Variants in EGFR observed in about 807,000 individuals in gnomAD.
EGFR encodes the protein avian erythroblastic leukemia viral (v-erb-b) oncogene homolog.
EGFR carries 58 observed loss-of-function variants against 143.0 expected under a neutral mutation model. The ratio of observed to expected loss-of-function variants is 0.41; its 90% confidence interval spans 0.33 to 0.50. The LOEUF is 0.50. Ranked by LOEUF, EGFR falls within the 20% of genes least tolerant of loss-of-function variation. The pLI, the probability that EGFR is intolerant of heterozygous loss-of-function variation, is 0.39. For synonymous variants in EGFR, 613 were observed against 594.4 expected, an observed-to-expected ratio of 1.03 and a Z score of -0.45; for missense variants, 1,307 against 1,579.0, an observed-to-expected ratio of 0.83 and a Z score of 2.92.
chr7:55,088,076 C>T (rs1452188765), intron 1 of EGFR, among the ~76,000 whole-genome samples: 2 of 148,694 alleles, frequency 1.3e-5, no homozygotes, highest in African/African-American at 5.0e-5. Flanking sequence ...CACACACACA[C>T]ACATTCTCAC....
chr7:55,143,254 T>C (rs1200703688), intron 2 of EGFR, 51 bp from the exon 3 acceptor site: 1 of 1,609,858 alleles, frequency 6.2e-7, no homozygotes, highest in East Asian at 2.2e-5. Context: ...AGACCTTGAG[T>C]TCTTGAGTTC....
chr7:55,089,608 C>T (rs1033561629), intron 1 of EGFR, among the ~76,000 whole-genome samples: 4 of 152,188 alleles, frequency 2.6e-5, no homozygotes, highest in African/African-American at 9.7e-5. Context: ...AAAACATAAT[C>T]ACAATGCTGT....
rs758106039 is a variant in EGFR, at chr7:55,201,183, A to G, written c.2947-5A>G. On this transcript the variant is annotated splice_polypyrimidine_tract_variant and splice_region_variant and intron_variant, in intron 24 of 27. Coordinates refer to ENST00000275493, the MANE Select transcript of EGFR (RefSeq NM_005228.5). ...ATTCTAATAGCCTCAAAATCTCTGC[A>G]CCAGGGGGATGAAAGAATGCATTTG... 6.2e-7 allele frequency: 1 copy of G among 1,614,070 alleles called. No homozygotes were observed. The highest frequency in any genetic ancestry group is 1.3e-5 in the African/African-American group (1 of 74,922).
At chr7:55,168,395 T>C in intron 15 of EGFR, 1 of 720,498 alleles carries the variant, frequency 1.4e-6, no homozygotes. Context: ...TGATTGGGTT[T>C]TGGCATTTTC....
chr7:55,201,664 C>T (rs2128972366), intron 25 of EGFR, 71 bp from the exon 26 acceptor site: 1 of 1,579,658 alleles, frequency 6.3e-7, no homozygotes, highest in Non-Finnish European at 8.7e-7. Context: ...AGGCACACCA[C>T]CTGCATTCAG....
chr7:55,065,404 A>G (rs1215053956), intron 1 of EGFR, among the ~76,000 whole-genome samples: 1 of 152,228 alleles, frequency 6.6e-6, no homozygotes, highest in African/African-American at 2.4e-5. Flanking sequence ...CTAATTTGTT[A>G]TTCCAGAAGA....
chr7:55,032,717 GA>G (rs1787325316), intron 1 of EGFR, among the ~76,000 whole-genome samples: 1 of 152,110 alleles, frequency 6.6e-6, no homozygotes, highest in Non-Finnish European at 1.5e-5. Flanking sequence ...ATGCATCCTG[GA>G]TGGCATAGAG....
At position 55,019,371 on chromosome 7, in the gene EGFR, G is replaced by A; in HGVS notation, c.88+6G>A. Reference sequence around the variant, plus strand: ...GGCTCTGGAGGAAAAGAAAGGTAAGGGCGTGTCTCGCCGGCTCCCGCGCCG... The same window carrying A: ...GGCTCTGGAGGAAAAGAAAGGTAAGAGCGTGTCTCGCCGGCTCCCGCGCCG... On this transcript the variant is annotated splice_donor_region_variant and intron_variant, in intron 1 of 27. Transcript: ENST00000275493. 6.9e-7 allele frequency: 1 copy of A among 1,454,746 alleles called. No individual in the cohort carries two copies. Among genetic ancestry groups the A allele is most frequent in the Non-Finnish European group, 9.2e-7 (1 of 1,092,234 alleles). 90.1% of individuals were successfully genotyped at this position (1,454,746 alleles called of 1,614,324 possible). A position where few individuals can be genotyped will look rare whatever the true frequency, so the allele number is the denominator to read the frequency against.
At chr7:55,142,496 G>T (rs759597010) in intron 2 of EGFR, 59 bp downstream of exon 2, 115 of 1,598,566 alleles carry the variant, frequency 7.2e-5, no homozygotes, top group South Asian at 2.3e-4. Flanking sequence ...GTGGAGAAAG[G>T]CCTGGGCAGA....
In EGFR at chr7:55,019,024, C is replaced by T; in HGVS notation, c.-254C>T. 4.6e-6 allele frequency: 1 copy of T among 216,148 alleles called. No homozygotes were observed. The highest frequency in any genetic ancestry group is 9.0e-6 in the Non-Finnish European group (1 of 111,460). The allele number at this position is 216,148 out of a possible 1,614,324, so 13.4% of individuals were successfully genotyped here. On this transcript the variant is annotated 5_prime_UTR_variant, in exon 1 of 28. Coordinates refer to ENST00000275493, the MANE Select transcript of EGFR (RefSeq NM_005228.5). ...CCTCGGCCCGCGCGAGCTAGACGTC[C>T]GGGCAGCCCCCGGCGCAGCGCGGCC...
chr7:55,145,857 G>A (rs1309167459), intron 3 of EGFR, among the ~76,000 whole-genome samples: 1 of 152,194 alleles, frequency 6.6e-6, no homozygotes, highest in Admixed American at 6.5e-5. Context: ...TCAGCTCCCA[G>A]ATCGAAGCCA....
intron 1 of EGFR, among the ~76,000 whole-genome samples, chr7:55,020,179 G>A (rs1213660809): frequency 1.3e-5 from 2 of 152,100 alleles, no homozygotes; most frequent in Non-Finnish European, 2.9e-5. Context: ...CGCCTCGCCC[G>A]GTGCGCCCTC....
At position 55,191,699 on chromosome 7, in the gene EGFR, C is replaced by T. The variant is rs2128964299; in HGVS notation, c.2470-20C>T. 1.9e-6 allele frequency: 3 copies of T among 1,613,500 alleles called. No homozygotes were observed. Among genetic ancestry groups the T allele is most frequent in the Non-Finnish European group, 2.5e-6 (3 of 1,179,946 alleles). ...TCCCATGATGATCTGTCCCTCACAG[C>T]AGGGTCTTCTCTGTTTCAGGGCATG... On this transcript the variant is annotated intron_variant, in intron 20 of 27. Transcript: ENST00000275493.
chr7:55,203,326 CACACACGTAT>C (rs1268475479), intron 27 of EGFR, among the ~76,000 whole-genome samples: 1 of 147,470 alleles, frequency 6.8e-6, no homozygotes, highest in Non-Finnish European at 1.5e-5. Flanking sequence ...ACACCACATA[CACACACGTAT>C]ACACACATAT....
chr7:55,200,758 C>T (rs917110980), intron 24 of EGFR: 29 of 488,652 alleles, frequency 5.9e-5, no homozygotes, highest in Non-Finnish European at 1.0e-4. Context: ...CCTGACTCTC[C>T]ACTTCTTCGC....
intron 1 of EGFR, among the ~76,000 whole-genome samples, chr7:55,067,236 G>A (rs1789558581): frequency 6.6e-6 from 1 of 152,154 alleles, no homozygotes; most frequent in Non-Finnish European, 1.5e-5. Context: ...CCCTCAAGGT[G>A]GTTGTGTCTG....
At chr7:55,157,118 G>A (rs1282218780) in intron 10 of EGFR, among the ~76,000 whole-genome samples, 1 of 152,348 alleles carries the variant, frequency 6.6e-6, no homozygotes, top group East Asian at 1.9e-4. Context: ...GGTAGAGGGA[G>A]GGGACAGGGG....
At chr7:55,190,792 G>A (rs1180964719) in intron 20 of EGFR, among the ~76,000 whole-genome samples, 3 of 152,194 alleles carry the variant, frequency 2.0e-5, no homozygotes, top group Admixed American at 6.5e-5. Flanking sequence ...ATAATAAGAA[G>A]TCTGCAGAAC....
chr7:55,181,911 C>T, intron 20 of EGFR: 1 of 281,208 alleles, frequency 3.6e-6, no homozygotes, highest in Non-Finnish European at 6.9e-6. Context: ...TTGCAGGAGG[C>T]CCAGTGAGGA....
Sources: gnomAD v4.1 joint callset for allele counts (sites outside exome capture counted in the v4.1 genomes callset) on GRCh38, gnomAD v4.1.1 for gene constraint, MANE v1.5 for transcripts, NCBI Gene and HGNC (gene_info 2026-07-23, HGNC 2026-07-21) for gene names.